The following SH2D4B variants were observed in gnomAD, a reference collection of about 807,000 sequenced individuals.
The protein encoded by SH2D4B is SH2 domain containing 4B.
SH2D4B carries 45 observed loss-of-function variants against 61.5 expected under a neutral mutation model. The observed-to-expected ratio is 0.73, with a 90% CI of 0.58 to 0.94. The LOEUF is 0.94. Ranked by LOEUF, SH2D4B falls within the 40% of genes least tolerant of loss-of-function variation. The pLI is 0.00. For synonymous variants in SH2D4B, 224 were observed against 220.4 expected, an observed-to-expected ratio of 1.02 and a Z score of -0.14; for missense variants, 572 against 574.2, an observed-to-expected ratio of 1.00 and a Z score of 0.04.
chr10:80,627,985 C>T (rs1842782502), intron 6 of SH2D4B, among the ~76,000 whole-genome samples: 1 of 152,176 alleles, frequency 6.6e-6, no homozygotes, highest in African/African-American at 2.4e-5. Context: ...CAGGCCCAGT[C>T]ATTAGCAGAG....
chr10:80,600,211 A>G (rs1842435434), intron 4 of SH2D4B, among the ~76,000 whole-genome samples: 1 of 152,216 alleles, frequency 6.6e-6, no homozygotes, highest in Admixed American at 6.5e-5. Context: ...GCACTTTCAC[A>G]TACAATTCAA....
intron 6 of SH2D4B, among the ~76,000 whole-genome samples, chr10:80,629,724 T>C (rs775509810): frequency 6.6e-6 from 1 of 152,232 alleles, no homozygotes; most frequent in African/African-American, 2.4e-5. Context: ...TTTTAAGCAC[T>C]GTGCTAAACG....
chr10:80,609,631 G>A, intron 6 of SH2D4B, 80 bp downstream of exon 6: 2 of 1,600,506 alleles, frequency 1.2e-6, no homozygotes, highest in Non-Finnish European at 8.5e-7. Flanking sequence ...GGGTGCTGAA[G>A]GACAGTTATA....
At chr10:80,638,099 C>T (rs549553712) in intron 7 of SH2D4B, among the ~76,000 whole-genome samples, 13 of 152,174 alleles carry the variant, frequency 8.5e-5, no homozygotes, top group Admixed American at 1.3e-4. Flanking sequence ...TATTGATTTG[C>T]GTATGTTGAA....
At chr10:80,603,900 T>G (rs1265901273) in intron 5 of SH2D4B, 105 bp downstream of exon 5, 2 of 1,034,052 alleles carry the variant, frequency 1.9e-6, no homozygotes, top group Non-Finnish European at 2.8e-6. Flanking sequence ...GCTGTGTAGT[T>G]TGGGGCTAGC....
chr10:80,645,558 T>C lies in SH2D4B; in HGVS notation c.*1473T>C, dbSNP rs1193859069. On this transcript the variant is annotated 3_prime_UTR_variant, in exon 8 of 8. Coordinates refer to ENST00000646907, the MANE Select transcript of SH2D4B (RefSeq NM_001388272.1). ...GAGGAACTATTCTGAGAGTCATCTG[T>C]TTGTATGGTCTTGTAGAAGACAGTC... The C allele has an allele frequency of 2.0e-5, 3 of 152,168 alleles. No individual in the cohort carries two copies. The highest frequency in any genetic ancestry group is 2.0e-4 in the Admixed American group (3 of 15,268). The allele number at this position is 152,168 out of a possible 1,614,324, so 9.4% of individuals were successfully genotyped here. A position where few individuals can be genotyped will look rare whatever the true frequency, so the allele number is the denominator to read the frequency against.
chr10:80,619,286 C>T (rs905842910), intron 6 of SH2D4B, among the ~76,000 whole-genome samples: 17 of 152,214 alleles, frequency 1.1e-4, no homozygotes, highest in African/African-American at 4.1e-4. Context: ...TTCCTCAGCT[C>T]TTCTGCATTC....
chr10:80,591,070 T>A (rs771338606), intron 4 of SH2D4B, among the ~76,000 whole-genome samples: 1 of 151,664 alleles, frequency 6.6e-6, no homozygotes, highest in Non-Finnish European at 1.5e-5. Context: ...CAGATATCAT[T>A]CCTTCCTTCC....
chr10:80,546,034 TTC>T (rs1196253970), intron 1 of SH2D4B, among the ~76,000 whole-genome samples: 2 of 151,030 alleles, frequency 1.3e-5, no homozygotes, highest in African/African-American at 4.9e-5. Flanking sequence ...CTTTCTTTCT[TTC>T]TCTCTCTTTC....
At position 80,603,654 on chromosome 10, in the gene SH2D4B, C is replaced by G. The variant is rs11817391; in HGVS notation, c.719C>G (p.Ser240Trp). The G allele has an allele frequency of 6.2e-7, 1 of 1,605,772 alleles. No homozygotes were observed. The highest frequency in any genetic ancestry group is 1.3e-5 in the African/African-American group (1 of 74,862). ...GCCCGGGACGAGTACCGACACCACT[C>G]GCTCCGTGCTATCCAGAAGGGCACG... ...QRARDEYRHH[S>W]LRAIQKGTVA... is the part of the protein sequence containing the mutation. Residue 240 changes from serine to tryptophan, a missense_variant, in exon 5 of 8, where the codon TCG becomes TGG. By Grantham distance (177) the Ser-to-Trp change is radical. Coordinates refer to ENST00000646907, the MANE Select transcript of SH2D4B (RefSeq NM_001388272.1).
In SH2D4B at chr10:80,645,302, C is replaced by G. The variant is rs1382178360; in HGVS notation, c.*1217C>G. On this transcript the variant is annotated 3_prime_UTR_variant, in exon 8 of 8. Coordinates refer to ENST00000646907, the MANE Select transcript of SH2D4B (RefSeq NM_001388272.1). ...ATTCCTTAGATTCTTGGTCACTTCT[C>G]TACCACAAGCCACCAGCACTATAAC... 6.6e-6 allele frequency: 1 copy of G among 152,264 alleles called. No individual in the cohort carries two copies. The highest frequency in any genetic ancestry group is 2.4e-5 in the African/African-American group (1 of 41,460). 9.4% of individuals were successfully genotyped at this position (152,264 alleles called of 1,614,324 possible). A position where few individuals can be genotyped will look rare whatever the true frequency, so the allele number is the denominator to read the frequency against.
chr10:80,549,108 C>G lies in SH2D4B; in HGVS notation c.184+10593C>G, dbSNP rs1348379444. On this transcript the variant is annotated intron_variant, in intron 1 of 7. Transcript: ENST00000646907. ...CGGCACAGCCTGTGGCCTGGGACTC[C>G]CTGATTGTGATTGTGTGGCTAAACA... 2.0e-5 allele frequency among the ~76,000 whole-genome samples: 3 copies of G among 151,916 alleles called. No individual in the cohort carries two copies. In the East Asian group the frequency reaches 5.8e-4, roughly 29 times the overall value.
chr10:80,549,430 T>G (rs1841728257), intron 1 of SH2D4B, among the ~76,000 whole-genome samples: 1 of 152,148 alleles, frequency 6.6e-6, no homozygotes, highest in African/African-American at 2.4e-5. Flanking sequence ...CTGTTCTGCC[T>G]CCATACAGCA....
rs12250562 is a variant in SH2D4B at position 80,590,306 on chromosome 10, G to A, written c.643+1529G>A. 6.3e-3 allele frequency among the ~76,000 whole-genome samples: 966 copies of A among 152,288 alleles called. 10 individuals carry two copies. Among genetic ancestry groups the A allele is most frequent in the African/African-American group, 0.022 (928 of 41,550 alleles). On this transcript the variant is annotated intron_variant, in intron 4 of 7. Transcript: ENST00000646907. ...AGGCAGGGAGACAGTGGCTCAGAGTGTGAAAGCCCAACAAGGGAGGTAGTT... is the reference window on the plus strand; with the variant it reads ...AGGCAGGGAGACAGTGGCTCAGAGTATGAAAGCCCAACAAGGGAGGTAGTT...
chr10:80,568,465 G>A (rs1411840278), intron 1 of SH2D4B, among the ~76,000 whole-genome samples: 1 of 152,138 alleles, frequency 6.6e-6, no homozygotes, highest in Non-Finnish European at 1.5e-5. Flanking sequence ...CTGGGAAGCA[G>A]GGCCTTGGGC....
chr10:80,556,202 A>G (rs970232566), intron 1 of SH2D4B, among the ~76,000 whole-genome samples: 4 of 151,628 alleles, frequency 2.6e-5, no homozygotes, highest in Non-Finnish European at 4.4e-5. Context: ...TCCTTTCTCC[A>G]TTGCATTATC....
Position 80,570,203 on chromosome 10 carries a change from C to T in SH2D4B, c.234C>T (p.Val78=). 5 of 1,614,154 alleles carry T rather than the reference C, an allele frequency of 3.1e-6. No individual in the cohort carries two copies. Among genetic ancestry groups the T allele is most frequent in the Non-Finnish European group, 4.2e-6 (5 of 1,180,030 alleles). ...GGCTCCTAGGGGCAGATGGCGAGGT[C>T]TGGGTCTGGATCATGGGAGAAGGCC... ...IQWLLGADGE[V]WVWIMGEGPG... is the part of the protein sequence containing the mutation. The change falls in exon 2 of 8, where the codon GTC becomes GTT. Residue 78 remains valine, a synonymous_variant. Coordinates refer to ENST00000646907, the MANE Select transcript of SH2D4B (RefSeq NM_001388272.1).
chr10:80,638,489 T>G (rs1316366037), intron 7 of SH2D4B, among the ~76,000 whole-genome samples: 2 of 152,224 alleles, frequency 1.3e-5, no homozygotes, highest in Non-Finnish European at 2.9e-5. Flanking sequence ...ATTCAGTGAT[T>G]CAACTTCTTC....
At chr10:80,570,552 A>T (rs1453673144) in intron 2 of SH2D4B, among the ~76,000 whole-genome samples, 1 of 152,232 alleles carries the variant, frequency 6.6e-6, no homozygotes. Context: ...AAGATTCTAA[A>T]ATCAGGTAAA....
Sources: gnomAD v4.1 joint callset for allele counts (sites outside exome capture counted in the v4.1 genomes callset) on GRCh38, gnomAD v4.1.1 for gene constraint, MANE v1.5 for transcripts, NCBI Gene and HGNC (gene_info 2026-07-23, HGNC 2026-07-21) for gene names.